Variants in DLEU7 observed in about 807,000 individuals in gnomAD.
DLEU7 encodes leukemia-associated protein 7.
In DLEU7, 17 loss-of-function variants were observed where a neutral mutation model predicts 16.0. The observed-to-expected ratio is 1.06, with a 90% CI of 0.73 to 1.59. DLEU7 has a LOEUF of 1.59. Ranked by LOEUF, DLEU7 falls within the 40% of genes most tolerant of loss-of-function variation. DLEU7 has a pLI of 0.00. For synonymous variants in DLEU7, 113 were observed against 139.8 expected, an observed-to-expected ratio of 0.81 and a Z score of 1.35; for missense variants, 308 against 314.9, an observed-to-expected ratio of 0.98 and a Z score of 0.17.
At chr13:50,760,778 A>T (rs1472217425) in intron 1 of DLEU7, among the ~76,000 whole-genome samples, 2 of 152,236 alleles carry the variant, frequency 1.3e-5, no homozygotes, top group Non-Finnish European at 2.9e-5. Flanking sequence ...ATTGTTTATA[A>T]ATTTAGTAAA....
At chr13:50,796,078 T>TA (rs1555292617) in intron 1 of DLEU7, among the ~76,000 whole-genome samples, 4 of 151,616 alleles carry the variant, frequency 2.6e-5, no homozygotes, top group African/African-American at 9.7e-5. Context: ...TATATAATAT[T>TA]CCCCCCTTAT....
intron 1 of DLEU7, among the ~76,000 whole-genome samples, chr13:50,826,110 T>C (rs1877075669): frequency 6.8e-6 from 1 of 146,418 alleles, no homozygotes; most frequent in African/African-American, 2.5e-5. Flanking sequence ...GCACACAACC[T>C]AGATCCTTCT....
intron 1 of DLEU7, among the ~76,000 whole-genome samples, chr13:50,813,673 A>T (rs1369736693): frequency 6.6e-6 from 1 of 152,144 alleles, no homozygotes. Context: ...AATCACAAAA[A>T]TGGCATTTTA....
At chr13:50,715,946 C>G (rs1193044810) in intron 1 of DLEU7, among the ~76,000 whole-genome samples, 1 of 152,266 alleles carries the variant, frequency 6.6e-6, no homozygotes, top group East Asian at 1.9e-4. Context: ...TCCCTGCCAC[C>G]TGGCCATGCA....
rs117237250 is a variant in DLEU7, at chr13:50,816,285, A to G, written c.459+26903T>C. On this transcript the variant is annotated intron_variant, in intron 1 of 1. Coordinates refer to the DLEU7 transcript ENST00000400393. ...AAAATGGATAGAATAGCTTATTTCTATTCCCTCTGAGTATGCCAATTAATG... is the reference window on the plus strand; with the variant it reads ...AAAATGGATAGAATAGCTTATTTCTGTTCCCTCTGAGTATGCCAATTAATG... 7.2e-5 allele frequency among the ~76,000 whole-genome samples: 11 copies of G among 152,290 alleles called. No homozygotes were observed. In the East Asian group the frequency reaches 1.7e-3, roughly 24 times the overall value.
intron 1 of DLEU7, among the ~76,000 whole-genome samples, chr13:50,835,840 A>G (rs2137813934): frequency 6.6e-6 from 1 of 152,370 alleles, no homozygotes; most frequent in South Asian, 2.1e-4. Context: ...ACGGAAGACA[A>G]GTTAAGCCTG....
intron 1 of DLEU7, among the ~76,000 whole-genome samples, chr13:50,742,578 T>A (rs926372796): frequency 7.9e-5 from 12 of 152,118 alleles, no homozygotes; most frequent in African/African-American, 2.9e-4. Flanking sequence ...GTTTTCTTTA[T>A]GAAGGTGATG....
At chr13:50,827,250 T>C (rs912307903) in intron 1 of DLEU7, among the ~76,000 whole-genome samples, 5 of 152,212 alleles carry the variant, frequency 3.3e-5, no homozygotes, top group Admixed American at 6.5e-5. Flanking sequence ...CTAAGCACTG[T>C]ATTATTCAAG....
intron 1 of DLEU7, among the ~76,000 whole-genome samples, chr13:50,721,455 G>C (rs921924256): frequency 6.6e-6 from 1 of 151,206 alleles, no homozygotes; most frequent in East Asian, 1.9e-4. Flanking sequence ...AGAGAACCCT[G>C]ACTAATACAT....
chr13:50,824,640 T>C (rs886637792), intron 1 of DLEU7, among the ~76,000 whole-genome samples: 1 of 152,186 alleles, frequency 6.6e-6, no homozygotes, highest in African/African-American at 2.4e-5. Context: ...ATAGAGGACC[T>C]GTATCACACA....
At chr13:50,743,155 AGAAT>A in intron 1 of DLEU7, among the ~76,000 whole-genome samples, 1 of 151,878 alleles carries the variant, frequency 6.6e-6, no homozygotes, top group Middle Eastern at 3.4e-3. Flanking sequence ...AGAGAGAGAG[AGAAT>A]GAAAGAGAAA....
downstream of DLEU7, among the ~76,000 whole-genome samples, chr13:50,820,082 G>A (rs182901434): frequency 7.9e-5 from 12 of 152,190 alleles, no homozygotes; most frequent in East Asian, 7.7e-4. Flanking sequence ...ATAGTCAGCC[G>A]CATCAAAAGC....
chr13:50,782,134 T>C (rs1194397483), intron 1 of DLEU7, among the ~76,000 whole-genome samples: 1 of 152,222 alleles, frequency 6.6e-6, no homozygotes, highest in Non-Finnish European at 1.5e-5. Flanking sequence ...CCTCCGTTAG[T>C]GGTCTGATCA....
downstream of DLEU7, chr13:50,711,836 A>C (rs1873302434): frequency 6.7e-6 from 1 of 149,870 alleles, no homozygotes; most frequent in Non-Finnish European, 1.5e-5. Context: ...ATCAGAATCA[A>C]ATCAGAGCCT....
intron 1 of DLEU7, among the ~76,000 whole-genome samples, chr13:50,746,105 A>C (rs1011071994): frequency 6.6e-6 from 1 of 152,192 alleles, no homozygotes; most frequent in Non-Finnish European, 1.5e-5. Context: ...AATGGAGATA[A>C]TAGCAATCAA....
intron 1 of DLEU7, among the ~76,000 whole-genome samples, chr13:50,765,719 T>G (rs569005900): frequency 5.3e-5 from 8 of 151,330 alleles, no homozygotes; most frequent in Middle Eastern, 3.2e-3. Context: ...TAAGCTTAGT[T>G]CAGCAAAAGT....
intron 1 of DLEU7, among the ~76,000 whole-genome samples, chr13:50,723,415 TACAC>T (rs35069706): frequency 0.054 from 7,985 of 148,172 alleles, 260 homozygotes; most frequent in Non-Finnish European, 0.063. Context: ...ACAATAATTG[TACAC>T]ACACACACAC....
intron 1 of DLEU7, among the ~76,000 whole-genome samples, chr13:50,743,201 G>GCAC (rs1002749064): frequency 1.1e-4 from 16 of 151,978 alleles, no homozygotes; most frequent in Admixed American, 1.3e-4. Context: ...AGGCAGGCAG[G>GCAC]CTGGCTGGCT....
chr13:50,768,778 A>G (rs990685634), intron 1 of DLEU7, among the ~76,000 whole-genome samples: 1 of 152,226 alleles, frequency 6.6e-6, no homozygotes, highest in Non-Finnish European at 1.5e-5. Context: ...AGCATGATTT[A>G]TAATCCTTTG....
Sources: allele counts gnomAD v4.1 joint callset (sites outside exome capture counted in the v4.1 genomes callset), GRCh38; gene constraint gnomAD v4.1.1; transcripts MANE v1.5; gene names NCBI Gene and HGNC (gene_info 2026-07-23, HGNC 2026-07-21).